The following ZFAND3 variants were observed in gnomAD, a reference collection of about 807,000 sequenced individuals.
ZFAND3 encodes the protein AN1-type zinc finger protein 3.
ZFAND3 carries 10 observed loss-of-function variants against 29.6 expected under a neutral mutation model. That is an observed-to-expected ratio of 0.34 (90% confidence interval 0.21 to 0.57). The LOEUF (loss-of-function observed/expected upper bound fraction) is 0.57. Among genes scored for constraint, ZFAND3 ranks in the 20% least tolerant of loss-of-function variants. The probability of loss-of-function intolerance (pLI) is 0.86; values close to 1 mark genes in which losing one functional copy is unlikely to be tolerated. For synonymous variants in ZFAND3, 128 were observed against 112.6 expected, an observed-to-expected ratio of 1.14 and a Z score of -0.87; for missense variants, 230 against 304.5, an observed-to-expected ratio of 0.76 and a Z score of 1.82.
intron 1 of ZFAND3, among the ~76,000 whole-genome samples, chr6:37,860,477 C>T (rs1764465516): frequency 6.6e-6 from 1 of 152,008 alleles, no homozygotes; most frequent in South Asian, 2.1e-4. Flanking sequence ...AAAGCAGAAT[C>T]CTAATTCAGA....
chr6:37,949,583 G>T (rs1490719944), intron 2 of ZFAND3, among the ~76,000 whole-genome samples: 1 of 152,130 alleles, frequency 6.6e-6, no homozygotes. Context: ...CAGGTTTCCG[G>T]AACTTCTGAC....
chr6:38,014,851 C>T (rs1431532775), intron 2 of ZFAND3, among the ~76,000 whole-genome samples: 1 of 152,202 alleles, frequency 6.6e-6, no homozygotes. Flanking sequence ...TTCTCTGTCT[C>T]TTCTTTTTGC....
chr6:38,111,560 C>T (rs375060425), intron 4 of ZFAND3, among the ~76,000 whole-genome samples: 11 of 152,144 alleles, frequency 7.2e-5, no homozygotes, highest in African/African-American at 2.4e-4. Context: ...AGCTAGTCAG[C>T]GTGAAGACAA....
At chr6:37,921,679 A>G (rs1761381933) in intron 1 of ZFAND3, among the ~76,000 whole-genome samples, 1 of 152,094 alleles carries the variant, frequency 6.6e-6, no homozygotes, top group Non-Finnish European at 1.5e-5. Flanking sequence ...GATATCCTTC[A>G]AAATTGAAAA....
chr6:38,085,566 T>C (rs767167760), intron 4 of ZFAND3, among the ~76,000 whole-genome samples: 7 of 152,214 alleles, frequency 4.6e-5, no homozygotes, highest in Middle Eastern at 3.2e-3. Flanking sequence ...CACTTTATTA[T>C]ATGTGTGTGT....
chr6:37,854,964 G>GTTTTTTTTTTTTTTTTTTTTTTT (rs34283914), intron 1 of ZFAND3, among the ~76,000 whole-genome samples: 1 of 78,938 alleles, frequency 1.3e-5, no homozygotes, highest in African/African-American at 4.5e-5. Flanking sequence ...AATAATAGGT[G>GTTTTTTTTTTTTTTTTTTTTTTT]TTTTTTTTTT....
intron 2 of ZFAND3, among the ~76,000 whole-genome samples, chr6:37,971,897 G>A (rs992688373): frequency 5.9e-5 from 9 of 151,432 alleles, no homozygotes; most frequent in Non-Finnish European, 1.2e-4. Context: ...CTACTTGAGA[G>A]GTTGAAGTGG....
At chr6:38,096,173 T>C (rs1764974743) in intron 4 of ZFAND3, among the ~76,000 whole-genome samples, 1 of 152,072 alleles carries the variant, frequency 6.6e-6, no homozygotes, top group African/African-American at 2.4e-5. Flanking sequence ...TTGTTGTTGT[T>C]GTCCCCCCCA....
chr6:37,873,196 G>C (rs960965757), intron 1 of ZFAND3, among the ~76,000 whole-genome samples: 1 of 152,208 alleles, frequency 6.6e-6, no homozygotes, highest in Non-Finnish European at 1.5e-5. Flanking sequence ...GTGTGAACCC[G>C]GGAGGCGAAG....
intron 2 of ZFAND3, among the ~76,000 whole-genome samples, chr6:38,032,794 G>A (rs1056068160): frequency 3.9e-5 from 6 of 152,282 alleles, no homozygotes; most frequent in African/African-American, 7.2e-5. Context: ...TACCATGAAC[G>A]TAGAAAACTT....
intron 1 of ZFAND3, among the ~76,000 whole-genome samples, chr6:37,834,895 A>T (rs1334155494): frequency 6.6e-6 from 1 of 150,442 alleles, no homozygotes; most frequent in Non-Finnish European, 1.5e-5. Flanking sequence ...AAAAATGATT[A>T]TATCGGTTTA....
At chr6:38,099,127 A>G (rs1240153999) in intron 4 of ZFAND3, among the ~76,000 whole-genome samples, 1 of 152,176 alleles carries the variant, frequency 6.6e-6, no homozygotes, top group East Asian at 1.9e-4. Context: ...GCACATCACA[A>G]TTTAGGGGCC....
At chr6:37,987,329 C>G (rs1762687882) in intron 2 of ZFAND3, among the ~76,000 whole-genome samples, 1 of 152,054 alleles carries the variant, frequency 6.6e-6, no homozygotes, top group Non-Finnish European at 1.5e-5. Flanking sequence ...AGAAGTCCTC[C>G]TAGTAACAAT....
chr6:38,078,270 C>T (rs1764591939), intron 3 of ZFAND3, among the ~76,000 whole-genome samples: 1 of 152,084 alleles, frequency 6.6e-6, no homozygotes, highest in Non-Finnish European at 1.5e-5. Context: ...TAGAAACATC[C>T]CTAGAAGAAA....
intron 2 of ZFAND3, among the ~76,000 whole-genome samples, chr6:37,979,772 T>C (rs1197602349): frequency 6.6e-6 from 1 of 152,194 alleles, no homozygotes; most frequent in Non-Finnish European, 1.5e-5. Flanking sequence ...TCTCCTGATA[T>C]ATAACTCTTC....
At chr6:37,900,720 C>T (rs966044884) in intron 1 of ZFAND3, among the ~76,000 whole-genome samples, 1 of 152,030 alleles carries the variant, frequency 6.6e-6, no homozygotes, top group Non-Finnish European at 1.5e-5. Context: ...GGAAATATAT[C>T]AGTAAAGAGT....
chr6:38,091,755 G>A (rs1764877427), intron 4 of ZFAND3, among the ~76,000 whole-genome samples: 1 of 147,712 alleles, frequency 6.8e-6, no homozygotes, highest in African/African-American at 2.5e-5. Flanking sequence ...CATCAAGCAA[G>A]GCTGTAAATA....
chr6:37,834,403 G>T (rs1763924699), intron 1 of ZFAND3, among the ~76,000 whole-genome samples: 1 of 152,060 alleles, frequency 6.6e-6, no homozygotes, highest in Non-Finnish European at 1.5e-5. Flanking sequence ...TTACCTACTG[G>T]AAGACATCTT....
intron 1 of ZFAND3, among the ~76,000 whole-genome samples, chr6:37,869,783 A>G (rs1174133876): frequency 6.6e-6 from 1 of 151,328 alleles, no homozygotes; most frequent in African/African-American, 2.4e-5. Flanking sequence ...AAGTGCTGGT[A>G]TTATAGATGT....
Sources: allele counts gnomAD v4.1 joint callset (sites outside exome capture counted in the v4.1 genomes callset), GRCh38; gene constraint gnomAD v4.1.1; transcripts MANE v1.5; gene names NCBI Gene and HGNC (gene_info 2026-07-23, HGNC 2026-07-21).